The following MRPL1 variants were observed in gnomAD, a reference collection of about 807,000 sequenced individuals.
The protein encoded by MRPL1 is mitochondrial ribosomal protein L1, also known as large ribosomal subunit protein uL1m.
Under a neutral mutation model 38.0 loss-of-function variants are expected in MRPL1, and 28 were observed. That is an observed-to-expected ratio of 0.74 (90% CI 0.55 to 1.01). MRPL1 has a LOEUF of 1.01. Among genes scored for constraint, MRPL1 ranks in the 50% least tolerant of loss-of-function variants. The pLI, the probability that MRPL1 is intolerant of heterozygous loss-of-function variation, is 0.00. For missense variants in MRPL1, 358 were observed against 389.8 expected, an observed-to-expected ratio of 0.92 and a Z score of 0.69; for synonymous variants, 123 against 126.7, an observed-to-expected ratio of 0.97 and a Z score of 0.20.
chr4:77,920,038 T>A (rs1195685620), intron 7 of MRPL1, among the ~76,000 whole-genome samples: 1 of 152,144 alleles, frequency 6.6e-6, no homozygotes, highest in Non-Finnish European at 1.5e-5. Context: ...TAAAAACAGA[T>A]TTGCATAGGT....
At chr4:77,905,686 A>G (rs1357704190) in intron 6 of MRPL1, among the ~76,000 whole-genome samples, 1 of 152,088 alleles carries the variant, frequency 6.6e-6, no homozygotes, top group Non-Finnish European at 1.5e-5. Context: ...TACATCATCA[A>G]TCTATCACCT....
chr4:77,903,637 G>A (rs1465974401), intron 6 of MRPL1, among the ~76,000 whole-genome samples: 1 of 152,152 alleles, frequency 6.6e-6, no homozygotes, highest in Non-Finnish European at 1.5e-5. Context: ...ATTTCTATAT[G>A]TAACCAACCT....
At chr4:77,947,442 A>G (rs1354978437) in intron 7 of MRPL1, among the ~76,000 whole-genome samples, 2 of 152,196 alleles carry the variant, frequency 1.3e-5, no homozygotes, top group Non-Finnish European at 2.9e-5. Context: ...CCCCTTCAAG[A>G]TCAACCCTGT....
chr4:77,864,726 G>A (rs926363520), intron 1 of MRPL1: 12 of 152,050 alleles, frequency 7.9e-5, no homozygotes, highest in African/African-American at 2.7e-4. Flanking sequence ...TACAATGAAT[G>A]CTTCAACAAT....
intron 2 of MRPL1, among the ~76,000 whole-genome samples, chr4:77,874,111 G>T (rs1338747552): frequency 6.6e-6 from 1 of 150,670 alleles, no homozygotes; most frequent in Admixed American, 6.7e-5. Context: ...TGATTCTCCT[G>T]CCTCAGCCTC....
chr4:77,917,506 T>G (rs926234290), intron 7 of MRPL1, among the ~76,000 whole-genome samples: 1 of 152,188 alleles, frequency 6.6e-6, no homozygotes, highest in African/African-American at 2.4e-5. Flanking sequence ...TTTTTGACTT[T>G]TCTTAAGCTT....
At chr4:77,889,390 A>G (rs1299286044) in intron 5 of MRPL1, among the ~76,000 whole-genome samples, 2 of 152,246 alleles carry the variant, frequency 1.3e-5, no homozygotes, top group Middle Eastern at 3.2e-3. Context: ...TACTGGGTAC[A>G]TAACGAAATG....
At chr4:77,919,052 A>G (rs1054369775) in intron 7 of MRPL1, among the ~76,000 whole-genome samples, 1 of 152,210 alleles carries the variant, frequency 6.6e-6, no homozygotes, top group Non-Finnish European at 1.5e-5. Flanking sequence ...TCCTCTATTT[A>G]TTATAAAAAT....
Position 77,905,836 on chromosome 4 carries a change from A to T in MRPL1, c.671-3430A>T, listed in dbSNP as rs374749180. On this transcript the variant is annotated intron_variant, in intron 6 of 8. Coordinates refer to ENST00000315567, the MANE Select transcript of MRPL1 (RefSeq NM_020236.4). ...TGTTCTTTCTGTCTTCATTACCATTACATCATCAGTATGATATCAGGCTCA... is the reference window on the plus strand; with the variant it reads ...TGTTCTTTCTGTCTTCATTACCATTTCATCATCAGTATGATATCAGGCTCA... 1.4e-4 allele frequency among the ~76,000 whole-genome samples: 21 copies of T among 152,296 alleles called. No individual in the cohort carries two copies. The East Asian group carries it at 3.5e-3, about 25-fold the overall frequency.
intron 7 of MRPL1, among the ~76,000 whole-genome samples, chr4:77,925,357 T>C (rs910729288): frequency 2.6e-5 from 4 of 151,698 alleles, no homozygotes; most frequent in African/African-American, 9.7e-5. Context: ...TTTTTTGTTT[T>C]TTTTTCTTTT....
Position 77,863,461 on chromosome 4 carries a change from A to ATTTTTTTTTTT in MRPL1, c.31+593_31+603dup, listed in dbSNP as rs969402527. ...GATGACAGCCCTTTCTTGTGCAACA[A>ATTTTTTTTTTT]TTTTTTTTTTTTTTTTTTTTTGAGA... On this transcript the variant is annotated intron_variant, in intron 1 of 8. Coordinates refer to ENST00000315567, the MANE Select transcript of MRPL1 (RefSeq NM_020236.4). 2.1e-3 allele frequency among the ~76,000 whole-genome samples: 231 copies of ATTTTTTTTTTT among 112,638 alleles called. 7 individuals carry two copies. Among genetic ancestry groups the ATTTTTTTTTTT allele is most frequent in the African/African-American group, 2.7e-3 (71 of 26,132 alleles). The allele number at this position is 112,638 out of a possible 152,430, so 73.9% of individuals were successfully genotyped here.
In MRPL1 at chr4:77,878,713, A is replaced by G. The variant is rs533030467; in HGVS notation, c.144-4529A>G. The stretch of plus-strand genomic sequence containing the variant: ...GCCAACATGGTGAAACCTTGTCTCT[A>G]CTAAAAATAGAAAAAATGAGCTGGT... On this transcript the variant is annotated intron_variant, in intron 2 of 8. Transcript: ENST00000315567. Among the ~76,000 whole-genome samples, 8 of 152,120 alleles carry G rather than the reference A, an allele frequency of 5.3e-5. No individual in the cohort carries two copies. In the South Asian group the frequency reaches 6.2e-4, roughly 12 times the overall value.
At chr4:77,897,899 A>G (rs1009800838) in intron 6 of MRPL1, among the ~76,000 whole-genome samples, 2 of 152,220 alleles carry the variant, frequency 1.3e-5, no homozygotes, top group African/African-American at 2.4e-5. Context: ...CTATCCATGT[A>G]TGAAAGACTC....
At position 77,862,980 on chromosome 4, in the gene MRPL1, T is replaced by C. The variant is rs574640255; in HGVS notation, c.31+101T>C. 4 of 1,434,548 alleles carry C rather than the reference T, an allele frequency of 2.8e-6. No homozygotes were observed. In the Admixed American group the frequency reaches 5.5e-5, roughly 20 times the overall value. 88.9% of individuals were successfully genotyped at this position (1,434,548 alleles called of 1,614,324 possible). A position where few individuals can be genotyped will look rare whatever the true frequency, so the allele number is the denominator to read the frequency against. On this transcript the variant is annotated intron_variant, in intron 1 of 8. Coordinates refer to ENST00000315567, the MANE Select transcript of MRPL1 (RefSeq NM_020236.4). Reference sequence around the variant, plus strand: ...TTCTGCTCTGGGTGCTGAAAATGCCTCGTGCTGTTTCTGGTCTCTAGGTTT... The same window carrying C: ...TTCTGCTCTGGGTGCTGAAAATGCCCCGTGCTGTTTCTGGTCTCTAGGTTT...
chr4:77,952,425 T>G (rs2110271246), intron 8 of MRPL1, 64 bp from the exon 9 acceptor site: 2 of 1,110,658 alleles, frequency 1.8e-6, no homozygotes, highest in Non-Finnish European at 2.7e-6. Flanking sequence ...AGGACCTACT[T>G]TATTTGCTCA....
At position 77,862,841 on chromosome 4, in the gene MRPL1, T is replaced by G. The variant is rs774102568; in HGVS notation, c.-8T>G. On this transcript the variant is annotated 5_prime_UTR_variant, in exon 1 of 9. Transcript: ENST00000315567. The stretch of plus-strand genomic sequence containing the variant: ...ACAATTTCGTGAACGCAATCCGGAG[T>G]GCCCAACATGGCGGCGGCCGTAAGG... The G allele has an allele frequency of 3.7e-6, 6 of 1,613,830 alleles. No individual in the cohort carries two copies. The highest frequency in any genetic ancestry group is 1.7e-5 in the Admixed American group (1 of 59,966).
intron 5 of MRPL1, among the ~76,000 whole-genome samples, chr4:77,892,760 C>T (rs1735834483): frequency 1.3e-5 from 2 of 152,182 alleles, no homozygotes; most frequent in African/African-American, 4.8e-5. Flanking sequence ...GTTCTGGACC[C>T]ACACTGCCTG....
intron 7 of MRPL1, among the ~76,000 whole-genome samples, chr4:77,934,694 A>G (rs1391054570): frequency 6.6e-6 from 1 of 152,236 alleles, no homozygotes; most frequent in Non-Finnish European, 1.5e-5. Flanking sequence ...TACATACTGA[A>G]AAGAATTCAA....
intron 7 of MRPL1, among the ~76,000 whole-genome samples, chr4:77,935,600 T>G (rs181638070): frequency 2.3e-4 from 35 of 152,272 alleles, no homozygotes; most frequent in African/African-American, 8.4e-4. Flanking sequence ...TTCGCCATGT[T>G]GGGCAGGCTG....
Sources: gnomAD v4.1 joint callset for allele counts (sites outside exome capture counted in the v4.1 genomes callset) on GRCh38, gnomAD v4.1.1 for gene constraint, MANE v1.5 for transcripts, NCBI Gene and HGNC (gene_info 2026-07-23, HGNC 2026-07-21) for gene names.